The following SLC35B3 variants were observed in gnomAD, a reference collection of about 807,000 sequenced individuals.
SLC35B3 encodes the protein adenosine 3'-phospho 5'-phosphosulfate transporter 2.
Under a neutral mutation model 44.1 loss-of-function variants are expected in SLC35B3, and 35 were observed. That is an observed-to-expected ratio of 0.79 (90% confidence interval 0.61 to 1.05). The LOEUF is 1.05. SLC35B3 is among the 50% of genes least tolerant of loss of function. SLC35B3 has a pLI of 0.00. For missense variants in SLC35B3, 414 were observed against 476.4 expected, an observed-to-expected ratio of 0.87 and a Z score of 1.22; for synonymous variants, 146 against 167.3, an observed-to-expected ratio of 0.87 and a Z score of 0.98.
In SLC35B3 at chr6:8,411,726, T is replaced by C. The variant is rs187030827; in HGVS notation, c.*1823A>G. On this transcript the variant is annotated 3_prime_UTR_variant, in exon 11 of 11. Transcript: ENST00000644923. ...CTGCATATGCACATAACAGATTAAA[T>C]AGCCATCAGAATACAATGGAATTTT... Among the ~76,000 whole-genome samples the C allele has an allele frequency of 9.7e-4, 148 of 152,270 alleles. No homozygotes were observed. Among genetic ancestry groups the C allele is most frequent in the Non-Finnish European group, 1.8e-3 (124 of 68,014 alleles).
chr6:8,416,827 G>A (rs1468025643), intron 9 of SLC35B3, 57 bp downstream of exon 8: 7 of 780,478 alleles, frequency 9.0e-6, no homozygotes, highest in Non-Finnish European at 1.2e-5. Context: ...TTGAAAAAGA[G>A]CATCAGAGAA....
intron 7 of SLC35B3, among the ~76,000 whole-genome samples, chr6:8,417,876 TATA>T (rs1762559694): frequency 6.6e-6 from 1 of 152,164 alleles, no homozygotes; most frequent in Non-Finnish European, 1.5e-5. Context: ...TACATTAAAA[TATA>T]ATGAAAATAA....
chr6:8,415,906 C>T (rs1762374870), intron 9 of SLC35B3, among the ~76,000 whole-genome samples: 1 of 152,092 alleles, frequency 6.6e-6, no homozygotes, highest in African/African-American at 2.4e-5. Context: ...TACTCCATCC[C>T]ACTGCATAGC....
In SLC35B3 at chr6:8,417,447, C is replaced by T; in HGVS notation, c.828G>A (p.Leu276=). 6.2e-7 allele frequency: 1 copy of T among 1,606,422 alleles called. No individual in the cohort carries two copies. The highest frequency in any genetic ancestry group is 8.5e-7 in the Non-Finnish European group (1 of 1,176,794). ...CAGGGCCTAATCCACTAGTGCATGT[C>T]AATCCCAGTAAAATGTATACAAAAC... Residue 276 remains leucine, a synonymous_variant, in exon 8 of 11, where the codon TTG becomes TTA. Transcript: ENST00000644923.
At chr6:8,417,577 T>A (rs138602118) in intron 7 of SLC35B3, 83 bp from the exon 7 acceptor site, 11 of 708,662 alleles carry the variant, frequency 1.6e-5, no homozygotes, top group Admixed American at 9.7e-5. Context: ...ATGGCTCAAT[T>A]AGGTTTGCAG....
At chr6:8,417,610 T>TCTTC in intron 7 of SLC35B3, 116 bp from the exon 7 acceptor site, 1 of 568,468 alleles carries the variant, frequency 1.8e-6, no homozygotes, top group South Asian at 2.8e-5. Context: ...AAAAGAAACA[T>TCTTC]TATAATTTCA....
chr6:8,424,915 A>G (rs1372527392), intron 4 of SLC35B3, among the ~76,000 whole-genome samples: 1 of 152,258 alleles, frequency 6.6e-6, no homozygotes, highest in African/African-American at 2.4e-5. Context: ...AAAAATAACA[A>G]CAGCAAAGAG....
intron 4 of SLC35B3, 138 bp from the exon 4 acceptor site, chr6:8,422,762 T>C (rs1763020199): frequency 8.9e-6 from 6 of 673,470 alleles, no homozygotes; most frequent in Non-Finnish European, 1.4e-5. Flanking sequence ...GTAAAAAATA[T>C]CACTATTTAA....
Position 8,416,998 on chromosome 6 carries a change from G to T in SLC35B3, c.874-3C>A. On this transcript the variant is annotated splice_region_variant and splice_polypyrimidine_tract_variant and intron_variant, in intron 8 of 10. Coordinates refer to ENST00000644923, the MANE Select transcript of SLC35B3 (RefSeq NM_001370476.2). ...TAACCATAGGTCCGAACTGGATTCT[G>T]CAAAAAATAAAAAAGCCTGTTAGAA... 2 of 1,508,972 alleles carry T rather than the reference G, an allele frequency of 1.3e-6. No individual in the cohort carries two copies. The highest frequency in any genetic ancestry group is 2.3e-5 in the East Asian group (1 of 43,068). 93.5% of individuals were successfully genotyped at this position (1,508,972 alleles called of 1,614,324 possible).
At position 8,425,792 on chromosome 6, in the gene SLC35B3, G is replaced by A. The variant is rs76690018; in HGVS notation, c.419+2145C>T. ...CATTTAAACTGCCCAATAGATACAC[G>A]ATATATACACACATTAGGGTACGAC... On this transcript the variant is annotated intron_variant, in intron 4 of 10. Transcript: ENST00000644923. Among the ~76,000 whole-genome samples the A allele has an allele frequency of 3.6e-3, 550 of 152,170 alleles. 2 individuals are homozygous for A. Among genetic ancestry groups the A allele is most frequent in the African/African-American group, 0.013 (528 of 41,526 alleles).
chr6:8,417,282 TG>T (rs1762495521), intron 8 of SLC35B3, 119 bp downstream of exon 7: 1 of 666,648 alleles, frequency 1.5e-6, no homozygotes, highest in East Asian at 2.8e-5. Flanking sequence ...CCGATTGGCA[TG>T]TTATGTTAAA....
chr6:8,422,057 T>A (rs1762941777), intron 5 of SLC35B3, among the ~76,000 whole-genome samples: 1 of 152,206 alleles, frequency 6.6e-6, no homozygotes. Flanking sequence ...CAGGCTGGAG[T>A]GCAGTGGTGT....
At position 8,428,010 on chromosome 6, in the gene SLC35B3, T is replaced by C. The variant is rs747547737; in HGVS notation, c.346A>G (p.Thr116Ala). ...GAGTAAAAGGCAAACTGCACTAAGG[T>C]AAGGTACCAGCCACAGGACTTAAAA... Residue 116 changes from threonine to alanine, a missense_variant, in exon 4 of 11, where the codon ACC (threonine) becomes GCC (alanine). Coordinates refer to ENST00000644923, the MANE Select transcript of SLC35B3 (RefSeq NM_001370476.2). 6.8e-6 allele frequency: 11 copies of C among 1,610,870 alleles called. No homozygotes were observed. Among genetic ancestry groups the C allele is most frequent in the Non-Finnish European group, 9.3e-6 (11 of 1,178,270 alleles).
Position 8,413,541 on chromosome 6 carries a change from A to G in SLC35B3, c.*8T>C, listed in dbSNP as rs997225744. Reference sequence around the variant, plus strand: ...TTAAAATTCTATTTTAAATAGGACAATCACTGTCTATACAGTCTGTGCCAG... The same window carrying G: ...TTAAAATTCTATTTTAAATAGGACAGTCACTGTCTATACAGTCTGTGCCAG... On this transcript the variant is annotated 3_prime_UTR_variant, in exon 11 of 11. Transcript: ENST00000644923. 1 of 1,594,574 alleles carries G rather than the reference A, an allele frequency of 6.3e-7. No individual in the cohort carries two copies. Among genetic ancestry groups the G allele is most frequent in the Middle Eastern group, 2.0e-4 (1 of 4,986 alleles).
intron 4 of SLC35B3, among the ~76,000 whole-genome samples, chr6:8,425,815 G>C (rs1413616036): frequency 6.6e-6 from 1 of 152,182 alleles, no homozygotes; most frequent in African/African-American, 2.4e-5. Context: ...ATTAGGGTAC[G>C]ACAGAAGGAG....
Position 8,413,421 on chromosome 6 carries a change from A to G in SLC35B3, c.*128T>C, listed in dbSNP as rs1344958441. On this transcript the variant is annotated 3_prime_UTR_variant, in exon 11 of 11. Transcript: ENST00000644923. ...AAGGCTGACACCGCAAAACAACTTC[A>G]TATGAAATCTGTCCACAAATGGGAT... 2 of 780,220 alleles carry G rather than the reference A, an allele frequency of 2.6e-6. No homozygotes were observed. The highest frequency in any genetic ancestry group is 3.5e-5 in the Admixed American group (1 of 28,292). The allele number at this position is 780,220 out of a possible 1,614,324, so 48.3% of individuals were successfully genotyped here.
At chr6:8,425,402 G>C (rs1021145711) in intron 4 of SLC35B3, among the ~76,000 whole-genome samples, 4 of 152,134 alleles carry the variant, frequency 2.6e-5, no homozygotes, top group Non-Finnish European at 5.9e-5. Flanking sequence ...GCTATTCCCA[G>C]TACTCCTCTA....
chr6:8,422,948 AAACCATCTT>A (rs1303996703), intron 4 of SLC35B3, among the ~76,000 whole-genome samples: 1 of 152,132 alleles, frequency 6.6e-6, no homozygotes, highest in Non-Finnish European at 1.5e-5. Context: ...CCACAAATAA[AAACCATCTT>A]AACCATCTTA....
rs1356389227 is a variant in SLC35B3, at chr6:8,411,444, G to C, written c.*2105C>G. Among the ~76,000 whole-genome samples the C allele has an allele frequency of 6.6e-6, 1 of 152,146 alleles. No homozygotes were observed. The highest frequency in any genetic ancestry group is 1.5e-5 in the Non-Finnish European group (1 of 68,008). On this transcript the variant is annotated 3_prime_UTR_variant, in exon 11 of 11. Coordinates refer to ENST00000644923, the MANE Select transcript of SLC35B3 (RefSeq NM_001370476.2). ...AAGTGTAGAGGCAAAATAAGGCTTT[G>C]ATAAGTCAAATTTATATTTTATCAA...
Sources: allele counts gnomAD v4.1 joint callset (sites outside exome capture counted in the v4.1 genomes callset), GRCh38; gene constraint gnomAD v4.1.1; transcripts MANE v1.5; gene names NCBI Gene and HGNC (gene_info 2026-07-23, HGNC 2026-07-21).